SUGCT: variants seen among roughly 807,000 people sequenced by gnomAD.
The protein encoded by SUGCT is succinyl-CoA:glutarate-CoA transferase.
A neutral mutation model predicts 55.0 loss-of-function variants in SUGCT; 41 were observed. The observed-to-expected ratio is 0.74, with a 90% CI of 0.58 to 0.97. The LOEUF is 0.97. Among genes scored for constraint, SUGCT ranks in the 50% least tolerant of loss-of-function variants. The pLI is 0.00. For synonymous variants in SUGCT, 187 were observed against 200.4 expected (o/e 0.93, Z 0.56); for missense variants, 568 against 547.8 (o/e 1.04, Z -0.37).
rs539414184 is a variant in SUGCT at position 40,844,026 on chromosome 7, G to A, written c.1154-16290G>A. On this transcript the variant is annotated intron_variant, in intron 13 of 13. Coordinates refer to ENST00000335693, the MANE Select transcript of SUGCT (RefSeq NM_001193313.2). Reference sequence around the variant, plus strand: ...GGAGTACTCAGGTGAGTGGGTGCAGGAACCAGGGCAAATCAACACTGGAAC... The same window carrying A: ...GGAGTACTCAGGTGAGTGGGTGCAGAAACCAGGGCAAATCAACACTGGAAC... 2.6e-5 allele frequency among the ~76,000 whole-genome samples: 4 copies of A among 152,152 alleles called. No individual in the cohort carries two copies. In the South Asian group the frequency reaches 8.3e-4, roughly 32 times the overall value.
intron 9 of SUGCT, among the ~76,000 whole-genome samples, chr7:40,347,892 G>A: frequency 6.6e-6 from 1 of 152,176 alleles, no homozygotes; most frequent in East Asian, 1.9e-4. Flanking sequence ...CCATAAATTA[G>A]TATGTAATTT....
At chr7:40,195,162 TTATTCTG>T in intron 6 of SUGCT, 102 bp downstream of exon 6, 2 of 1,300,820 alleles carry the variant, frequency 1.5e-6, no homozygotes, top group Non-Finnish European at 2.1e-6. Context: ...TTTTTGGAAG[TTATTCTG>T]TTTTCCTTTT....
At chr7:40,249,636 T>C (rs1460792618) in intron 7 of SUGCT, among the ~76,000 whole-genome samples, 1 of 152,120 alleles carries the variant, frequency 6.6e-6, no homozygotes, top group East Asian at 1.9e-4. Flanking sequence ...TTAAATAGTC[T>C]AGGTTAAGTA....
chr7:40,356,505 C>T (rs1253671123), intron 9 of SUGCT, among the ~76,000 whole-genome samples: 1 of 152,176 alleles, frequency 6.6e-6, no homozygotes, highest in Non-Finnish European at 1.5e-5. Flanking sequence ...TATTAAACTT[C>T]TATTTCTGAG....
chr7:40,843,817 C>T (rs534486004), intron 13 of SUGCT, among the ~76,000 whole-genome samples: 40 of 152,080 alleles, frequency 2.6e-4, no homozygotes, highest in Non-Finnish European at 3.1e-4. Flanking sequence ...GTGTTTTGAG[C>T]AGAGGAATGA....
intron 7 of SUGCT, among the ~76,000 whole-genome samples, chr7:40,267,613 T>C (rs552285890): frequency 2.1e-4 from 32 of 152,318 alleles, no homozygotes; most frequent in Non-Finnish European, 4.3e-4. Flanking sequence ...CATTGTTTAG[T>C]ACTGCTATAG....
At chr7:40,561,455 G>A (rs182803870) in intron 12 of SUGCT, among the ~76,000 whole-genome samples, 5 of 152,242 alleles carry the variant, frequency 3.3e-5, no homozygotes, top group Admixed American at 6.5e-5. Flanking sequence ...AGTCCTATCT[G>A]TGTCTTCATT....
intron 9 of SUGCT, among the ~76,000 whole-genome samples, chr7:40,336,101 C>T (rs1466786390): frequency 2.6e-5 from 4 of 152,164 alleles, no homozygotes; most frequent in African/African-American, 9.7e-5. Flanking sequence ...ATGAAGCCCA[C>T]TTGATCATGG....
intron 12 of SUGCT, among the ~76,000 whole-genome samples, chr7:40,632,643 C>T (rs1303287041): frequency 6.6e-6 from 1 of 151,532 alleles, no homozygotes; most frequent in Non-Finnish European, 1.5e-5. Flanking sequence ...TGTTTCCATA[C>T]AGATAATGTA....
intron 9 of SUGCT, among the ~76,000 whole-genome samples, chr7:40,389,456 A>G (rs1284880163): frequency 6.9e-6 from 1 of 145,866 alleles, no homozygotes; most frequent in African/African-American, 2.5e-5. Context: ...CAAACAAACA[A>G]ACAAACAAAC....
chr7:40,401,082 A>G (rs879331741), intron 9 of SUGCT, among the ~76,000 whole-genome samples: 1 of 152,080 alleles, frequency 6.6e-6, no homozygotes, highest in Non-Finnish European at 1.5e-5. Flanking sequence ...ATTGTTCTTA[A>G]CTTTTGAGAT....
At chr7:40,361,513 G>A (rs1297443998) in intron 9 of SUGCT, among the ~76,000 whole-genome samples, 6 of 151,848 alleles carry the variant, frequency 4.0e-5, no homozygotes. Context: ...GGCGGAGCTT[G>A]CAGTGAACTG....
At chr7:40,270,225 T>C (rs1421149404) in intron 7 of SUGCT, among the ~76,000 whole-genome samples, 1 of 152,118 alleles carries the variant, frequency 6.6e-6, no homozygotes, top group Non-Finnish European at 1.5e-5. Context: ...GGGTTGTCCT[T>C]TCACTTTCTT....
chr7:40,600,037 A>G (rs1363440152), intron 12 of SUGCT, among the ~76,000 whole-genome samples: 1 of 152,164 alleles, frequency 6.6e-6, no homozygotes, highest in Non-Finnish European at 1.5e-5. Flanking sequence ...CTCTGGAGAA[A>G]CATTTCTTGT....
chr7:40,275,219 A>G (rs570058986), intron 8 of SUGCT, among the ~76,000 whole-genome samples: 73 of 152,284 alleles, frequency 4.8e-4, no homozygotes, highest in Non-Finnish European at 9.6e-4. Flanking sequence ...GTTGCTTCTT[A>G]TAAGACAAGA....
At chr7:40,343,818 GGCTAATTTTTT>G (rs1797176709) in intron 9 of SUGCT, among the ~76,000 whole-genome samples, 1 of 152,062 alleles carries the variant, frequency 6.6e-6, no homozygotes, top group African/African-American at 2.4e-5. Context: ...CACCACGCCT[GGCTAATTTTTT>G]GTATTTTTAG....
chr7:40,326,024 GAAGTAT>G (rs1276879517), intron 9 of SUGCT, among the ~76,000 whole-genome samples: 3 of 151,132 alleles, frequency 2.0e-5, no homozygotes, highest in Non-Finnish European at 2.9e-5. Flanking sequence ...CCTTGCTACA[GAAGTAT>G]CTTTGAATTA....
At chr7:40,180,670 G>A (rs1300756746) in intron 1 of SUGCT, among the ~76,000 whole-genome samples, 2 of 151,336 alleles carry the variant, frequency 1.3e-5, no homozygotes, top group African/African-American at 4.9e-5. Context: ...TGTATTTTTG[G>A]TACAGATGGG....
At position 40,249,324 on chromosome 7, in the gene SUGCT, TA is replaced by T. The variant is rs1398075406; in HGVS notation, c.576+11599del. On this transcript the variant is annotated intron_variant, in intron 7 of 13. Coordinates refer to ENST00000335693, the MANE Select transcript of SUGCT (RefSeq NM_001193313.2). The stretch of plus-strand genomic sequence containing the variant: ...AAAACACCAAAAAGCTATATATATA[TA>T]TATATATATATATATATATATAATT... Among the ~76,000 whole-genome samples, 20 of 116,232 alleles carry T rather than the reference TA, an allele frequency of 1.7e-4. 1 individual carries two copies. In the East Asian group the frequency reaches 3.4e-3, roughly 20 times the overall value. The allele number at this position is 116,232 out of a possible 152,430, so 76.3% of individuals were successfully genotyped here.
Sources: gnomAD v4.1 joint callset for allele counts (sites outside exome capture counted in the v4.1 genomes callset) on GRCh38, gnomAD v4.1.1 for gene constraint, MANE v1.5 for transcripts, NCBI Gene and HGNC (gene_info 2026-07-23, HGNC 2026-07-21) for gene names.